MB21D2: variants seen among roughly 807,000 people sequenced by gnomAD.
The protein encoded by MB21D2 is Mab-21 domain containing 2.
MB21D2 carries 9 observed loss-of-function variants against 33.3 expected under a neutral mutation model. That is an observed-to-expected ratio of 0.27 (90% CI 0.16 to 0.47). The LOEUF (loss-of-function observed/expected upper bound fraction) is 0.47. Ranked by LOEUF, MB21D2 falls within the 20% of genes least tolerant of loss-of-function variation. The pLI, the probability that MB21D2 is intolerant of heterozygous loss-of-function variation, is 0.99. For synonymous variants in MB21D2, 241 were observed against 236.3 expected (o/e 1.02, Z -0.18); for missense variants, 540 against 624.6 (o/e 0.86, Z 1.44).
chr3:192,840,104 C>A (rs1412563801), intron 1 of MB21D2, among the ~76,000 whole-genome samples: 1 of 152,182 alleles, frequency 6.6e-6, no homozygotes, highest in Non-Finnish European at 1.5e-5. Context: ...AAAGAGATAT[C>A]TTTAGCCAAT....
intron 1 of MB21D2, among the ~76,000 whole-genome samples, chr3:192,872,540 C>G (rs941618339): frequency 6.7e-6 from 1 of 149,356 alleles, no homozygotes; most frequent in Non-Finnish European, 1.5e-5. Flanking sequence ...CGCGCCACTG[C>G]ACTCCAGCCT....
At chr3:192,891,813 A>G (rs1713858610) in intron 1 of MB21D2, among the ~76,000 whole-genome samples, 1 of 152,110 alleles carries the variant, frequency 6.6e-6, no homozygotes, top group Non-Finnish European at 1.5e-5. Flanking sequence ...TATTACTGGT[A>G]TAGAGGTGAT....
intron 1 of MB21D2, among the ~76,000 whole-genome samples, chr3:192,867,399 GA>G (rs941046682): frequency 6.6e-6 from 1 of 152,086 alleles, no homozygotes. Context: ...TATTTGCAAA[GA>G]AAAAACAATA....
At chr3:192,875,577 G>A (rs1713412350) in intron 1 of MB21D2, among the ~76,000 whole-genome samples, 3 of 152,146 alleles carry the variant, frequency 2.0e-5, no homozygotes, top group African/African-American at 7.2e-5. Context: ...AAAATATTTT[G>A]TGTCCCTGAA....
intron 1 of MB21D2, among the ~76,000 whole-genome samples, chr3:192,876,665 T>C (rs1713433876): frequency 6.6e-6 from 1 of 152,162 alleles, no homozygotes; most frequent in Non-Finnish European, 1.5e-5. Flanking sequence ...CTCTCAATTC[T>C]TGCCACTTCC....
chr3:192,847,645 T>C (rs550022451), intron 1 of MB21D2, among the ~76,000 whole-genome samples: 3 of 152,278 alleles, frequency 2.0e-5, no homozygotes, highest in Admixed American at 2.0e-4. Context: ...CAAACAACAA[T>C]TCCCAATTCA....
chr3:192,917,607 A>C, intron 1 of MB21D2, 23 bp downstream of exon 1: 1 of 1,610,802 alleles, frequency 6.2e-7, no homozygotes, highest in Non-Finnish European at 8.5e-7. Flanking sequence ...ACGCACACAC[A>C]CCTCCCCCTT....
intron 1 of MB21D2, among the ~76,000 whole-genome samples, chr3:192,893,618 T>C (rs914193423): frequency 6.6e-6 from 1 of 152,174 alleles, no homozygotes; most frequent in African/African-American, 2.4e-5. Flanking sequence ...TCTCAGCACT[T>C]AGCACTTAGC....
intron 1 of MB21D2, among the ~76,000 whole-genome samples, chr3:192,902,290 G>A (rs543366858): frequency 2.6e-5 from 4 of 152,248 alleles, no homozygotes; most frequent in African/African-American, 9.6e-5. Flanking sequence ...TTGTATACCA[G>A]CAACCACATA....
chr3:192,861,872 C>G (rs183057135), intron 1 of MB21D2, among the ~76,000 whole-genome samples: 1 of 152,140 alleles, frequency 6.6e-6, no homozygotes, highest in Non-Finnish European at 1.5e-5. Context: ...ACTCTCCCCC[C>G]ACCAAAATCC....
At chr3:192,845,019 A>T (rs911200727) in intron 1 of MB21D2, among the ~76,000 whole-genome samples, 1 of 152,198 alleles carries the variant, frequency 6.6e-6, no homozygotes, top group South Asian at 2.1e-4. Context: ...ATTAACAGCC[A>T]CTTAAACAAG....
chr3:192,874,423 C>T (rs887308178), intron 1 of MB21D2, among the ~76,000 whole-genome samples: 16 of 152,156 alleles, frequency 1.1e-4, no homozygotes, highest in African/African-American at 3.9e-4. Context: ...CTAATGAAAC[C>T]TCACACTGTC....
Position 192,896,676 on chromosome 3 carries a change from C to A in MB21D2, c.211+20954G>T, listed in dbSNP as rs867363190. 2.0e-5 allele frequency among the ~76,000 whole-genome samples: 3 copies of A among 152,336 alleles called. No homozygotes were observed. The East Asian group carries it at 5.8e-4, about 29-fold the overall frequency. ...CATTGCCACTGGAAACTAAGTCTTCCCCTACTGGCCCAGTATCTTGTTAGC... is the reference window on the plus strand; with the variant it reads ...CATTGCCACTGGAAACTAAGTCTTCACCTACTGGCCCAGTATCTTGTTAGC... On this transcript the variant is annotated intron_variant, in intron 1 of 1. Transcript: ENST00000392452.
chr3:192,816,194 C>CA (rs889372902), intron 1 of MB21D2, among the ~76,000 whole-genome samples: 1 of 147,110 alleles, frequency 6.8e-6, no homozygotes, highest in African/African-American at 2.6e-5. Context: ...AGTGAAGTGG[C>CA]AAAAAGACGA....
At chr3:192,821,083 A>T (rs1240670875) in intron 1 of MB21D2, among the ~76,000 whole-genome samples, 1 of 152,170 alleles carries the variant, frequency 6.6e-6, no homozygotes, top group African/African-American at 2.4e-5. Flanking sequence ...ATAACAATGA[A>T]CACATCGTTT....
intron 1 of MB21D2, among the ~76,000 whole-genome samples, chr3:192,884,566 A>G (rs530869685): frequency 4.0e-4 from 61 of 151,966 alleles, no homozygotes; most frequent in African/African-American, 1.4e-3. Flanking sequence ...ACGGGGTTTC[A>G]CCGTGTTAGC....
At chr3:192,900,094 C>T (rs1375506457) in intron 1 of MB21D2, among the ~76,000 whole-genome samples, 1 of 151,768 alleles carries the variant, frequency 6.6e-6, no homozygotes, top group East Asian at 1.9e-4. Context: ...ACCATCCTGG[C>T]TAACACAGTG....
chr3:192,915,267 C>T (rs1577206476), intron 1 of MB21D2, among the ~76,000 whole-genome samples: 1 of 152,242 alleles, frequency 6.6e-6, no homozygotes, highest in Middle Eastern at 3.4e-3. Flanking sequence ...TTTGCATAGT[C>T]ATCAAAGAAC....
intron 1 of MB21D2, among the ~76,000 whole-genome samples, chr3:192,867,421 G>A (rs753490822): frequency 6.6e-6 from 1 of 152,164 alleles, no homozygotes; most frequent in Admixed American, 6.5e-5. Flanking sequence ...TACCCTGGCT[G>A]TCACCCCACT....
Sources: gnomAD v4.1 joint callset for allele counts (sites outside exome capture counted in the v4.1 genomes callset) on GRCh38, gnomAD v4.1.1 for gene constraint, MANE v1.5 for transcripts, NCBI Gene and HGNC (gene_info 2026-07-23, HGNC 2026-07-21) for gene names.